The following TRIM24 variants were observed in gnomAD, a reference collection of about 807,000 sequenced individuals.
The protein encoded by TRIM24 is tripartite motif containing 24, also known as transcription intermediary factor 1-alpha.
In TRIM24, 29 loss-of-function variants were observed where a neutral mutation model predicts 123.9. That is an observed-to-expected ratio of 0.23 (90% CI 0.17 to 0.32). The LOEUF (loss-of-function observed/expected upper bound fraction) is 0.32, where lower values mean the gene tolerates loss of function less well. Among genes scored for constraint, TRIM24 ranks in the 10% least tolerant of loss-of-function variants. The pLI is 1.00. For missense variants in TRIM24, 932 were observed against 1,295.3 expected (o/e 0.72, Z 4.31); for synonymous variants, 456 against 461.1 (o/e 0.99, Z 0.14).
At chr7:138,557,240 G>A (rs1797333227) in intron 9 of TRIM24, among the ~76,000 whole-genome samples, 1 of 152,184 alleles carries the variant, frequency 6.6e-6, no homozygotes, top group Non-Finnish European at 1.5e-5. Context: ...CTTGGAGTGA[G>A]TCAGCTAAGT....
intron 6 of TRIM24, among the ~76,000 whole-genome samples, chr7:138,537,190 C>T (rs765759898): frequency 2.6e-5 from 4 of 152,038 alleles, no homozygotes; most frequent in Admixed American, 6.6e-5. Flanking sequence ...TGCCCTGCTT[C>T]GGCTCACACT....
chr7:138,490,818 A>G, intron 1 of TRIM24: 3 of 466,218 alleles, frequency 6.4e-6, no homozygotes, highest in Non-Finnish European at 1.2e-5. Flanking sequence ...TGTATTGACC[A>G]CATCTTTCAA....
intron 1 of TRIM24, among the ~76,000 whole-genome samples, chr7:138,461,783 C>T (rs924544692): frequency 6.6e-6 from 1 of 152,076 alleles, no homozygotes; most frequent in African/African-American, 2.4e-5. Context: ...TATTTGAGCA[C>T]CTCCTTTTTA....
At chr7:138,538,510 A>G (rs1233157229) in intron 6 of TRIM24, 147 bp from the exon 7 acceptor site, 5 of 910,876 alleles carry the variant, frequency 5.5e-6, no homozygotes, top group Non-Finnish European at 8.1e-6. Flanking sequence ...GTGATCCTTT[A>G]TACTAATAGG....
At chr7:138,497,809 G>T (rs1417706289) in intron 1 of TRIM24, among the ~76,000 whole-genome samples, 4 of 151,322 alleles carry the variant, frequency 2.6e-5, no homozygotes, top group Non-Finnish European at 5.9e-5. Context: ...TCCCACCTCA[G>T]CCTCCCAAGT....
In TRIM24 at chr7:138,579,205, C is replaced by T. The variant is rs201279149; in HGVS notation, c.2258C>T (p.Ala753Val). 2 of 1,560,840 alleles carry T rather than the reference C, an allele frequency of 1.3e-6. No homozygotes were observed. Among genetic ancestry groups the T allele is most frequent in the East Asian group, 2.3e-5 (1 of 44,290 alleles). ...ESDEESRPQNANYPRSILTSL... is the reference protein window; with the variant it reads ...ESDEESRPQNVNYPRSILTSL... ...AAATATATTTTTTTTCTACTACAGG[C>T]CAATTATCCAAGAAGCATACTCACC... The change falls in exon 15 of 19, where the codon GCC (alanine) becomes GTC (valine). Residue 753 changes from alanine (A) to valine (V), a missense_variant and splice_region_variant. Ala to Val is a moderately conservative substitution (Grantham distance 64, BLOSUM62 0). Coordinates refer to ENST00000343526, the MANE Select transcript of TRIM24 (RefSeq NM_015905.3).
chr7:138,507,933 CAA>C (rs551207675), intron 2 of TRIM24, among the ~76,000 whole-genome samples: 1 of 140,020 alleles, frequency 7.1e-6, no homozygotes, highest in African/African-American at 2.6e-5. Flanking sequence ...GACCCTATCT[CAA>C]AAAAAAAAAA....
rs1309909802 is a variant in TRIM24 at position 138,588,717 on chromosome 7, G to C, written c.*3766G>C. ...CTCTGTCACAAAAAGAAAAATTATG[G>C]GGAATGGCCGGGCGCGGTGGCTCAC... On this transcript the variant is annotated 3_prime_UTR_variant, in exon 19 of 19. Coordinates refer to ENST00000343526, the MANE Select transcript of TRIM24 (RefSeq NM_015905.3). The C allele has an allele frequency of 6.8e-6, 1 of 147,048 alleles. No individual in the cohort carries two copies. Among genetic ancestry groups the C allele is most frequent in the East Asian group, 2.0e-4 (1 of 4,882 alleles). 9.1% of individuals were successfully genotyped at this position (147,048 alleles called of 1,614,324 possible).
Position 138,570,841 on chromosome 7 carries a change from C to T in TRIM24, c.1716C>T (p.Ser572=). 6.2e-7 allele frequency: 1 copy of T among 1,613,902 alleles called. No individual in the cohort carries two copies. The change falls in exon 11 of 19, where the codon AGC becomes AGT. Residue 572 remains serine, a synonymous_variant. Transcript: ENST00000343526. ...TCTTGTTACTGTAGTGGCAGATCAG[C>T]AGTGGACAGGGAACCCCATCAACTA... is the stretch of plus-strand genomic sequence containing the variant. ...AQQAIKQWQI[S]SGQGTPSTTN... is the part of the protein sequence containing the mutation.
At chr7:138,575,459 A>ATTT (rs34375724) in intron 12 of TRIM24, among the ~76,000 whole-genome samples, 111 of 127,228 alleles carry the variant, frequency 8.7e-4, no homozygotes, top group African/African-American at 2.9e-3. Context: ...GGCCTGGCTA[A>ATTT]TTTTTTTTTT....
At position 138,576,369 on chromosome 7, in the gene TRIM24, T is replaced by A; in HGVS notation, c.2015-4T>A. The A allele has an allele frequency of 6.2e-7, 1 of 1,612,892 alleles. No individual in the cohort carries two copies. Among genetic ancestry groups the A allele is most frequent in the East Asian group, 2.2e-5 (1 of 44,874 alleles). ...TTATGAATGTATGGTTTCCCCCTCC[T>A]CAGGACCTGTTACTATGACTAGTGT... On this transcript the variant is annotated splice_region_variant and splice_polypyrimidine_tract_variant and intron_variant, in intron 12 of 18. Coordinates refer to ENST00000343526, the MANE Select transcript of TRIM24 (RefSeq NM_015905.3).
At chr7:138,462,269 G>A (rs1795005803) in intron 1 of TRIM24, among the ~76,000 whole-genome samples, 1 of 151,580 alleles carries the variant, frequency 6.6e-6, no homozygotes, top group Non-Finnish European at 1.5e-5. Context: ...AACTGCCTGT[G>A]TAGATGTCAA....
intron 6 of TRIM24, among the ~76,000 whole-genome samples, chr7:138,537,886 GTCTGAGACAGCAGAAA>G (rs1796926905): frequency 6.6e-6 from 1 of 152,154 alleles, no homozygotes. Context: ...TTTCTAATTT[GTCTGAGACAGCAGAAA>G]GTCCTGTTTT....
Position 138,588,167 on chromosome 7 carries a change from A to C in TRIM24, c.*3216A>C, listed in dbSNP as rs1798049728. On this transcript the variant is annotated 3_prime_UTR_variant, in exon 19 of 19. Transcript: ENST00000343526. Reference sequence around the variant, plus strand: ...ATACAGCTGATTGTTGCATTTATGAAACTGCATTTCAATATGCTATGCTGT... The same window carrying C: ...ATACAGCTGATTGTTGCATTTATGACACTGCATTTCAATATGCTATGCTGT... 1 of 152,190 alleles carries C rather than the reference A, an allele frequency of 6.6e-6. No individual in the cohort carries two copies. Among genetic ancestry groups the C allele is most frequent in the Non-Finnish European group, 1.5e-5 (1 of 68,034 alleles). The allele number at this position is 152,190 out of a possible 1,614,324, so 9.4% of individuals were successfully genotyped here. A position where few individuals can be genotyped will look rare whatever the true frequency, so the allele number is the denominator to read the frequency against.
intron 9 of TRIM24, among the ~76,000 whole-genome samples, chr7:138,561,741 A>G (rs935475599): frequency 2.0e-5 from 3 of 152,170 alleles, no homozygotes; most frequent in Admixed American, 6.5e-5. Flanking sequence ...GGACATATAG[A>G]AAGAAAGGCT....
chr7:138,462,778 C>A (rs62487613), intron 1 of TRIM24, among the ~76,000 whole-genome samples: 46,297 of 152,110 alleles, frequency 0.3, 7,708 homozygotes, highest in East Asian at 0.47. Context: ...GTTGGACACT[C>A]TCAGATCCTT....
At chr7:138,485,264 G>A (rs1022796794) in intron 1 of TRIM24, among the ~76,000 whole-genome samples, 37 of 151,812 alleles carry the variant, frequency 2.4e-4, no homozygotes, top group African/African-American at 8.2e-4. Context: ...TCATATTCAA[G>A]TATATAATTC....
chr7:138,488,109 A>G (rs577420056), intron 1 of TRIM24, among the ~76,000 whole-genome samples: 1 of 152,194 alleles, frequency 6.6e-6, no homozygotes, highest in African/African-American at 2.4e-5. Flanking sequence ...CATTTCTTCT[A>G]GATTTTCTAG....
chr7:138,487,719 T>C (rs2116491364), intron 1 of TRIM24, among the ~76,000 whole-genome samples: 1 of 152,294 alleles, frequency 6.6e-6, no homozygotes, highest in East Asian at 1.9e-4. Flanking sequence ...TGAATAAGCT[T>C]TTTGATATGC....
Sources: allele counts gnomAD v4.1 joint callset (sites outside exome capture counted in the v4.1 genomes callset), GRCh38; gene constraint gnomAD v4.1.1; transcripts MANE v1.5; gene names NCBI Gene and HGNC (gene_info 2026-07-23, HGNC 2026-07-21).